The following GPC5 variants were observed in gnomAD, a reference collection of about 807,000 sequenced individuals.
The protein encoded by GPC5 is glypican 5.
A neutral mutation model predicts 53.9 loss-of-function variants in GPC5; 47 were observed. The observed-to-expected ratio is 0.87, with a 90% CI of 0.69 to 1.11. The LOEUF (loss-of-function observed/expected upper bound fraction) is 1.11. Among genes scored for constraint, GPC5 ranks in the 50% most tolerant of loss-of-function variants. GPC5 has a pLI of 0.00. For missense variants in GPC5, 748 were observed against 713.1 expected (o/e 1.05, Z -0.56); for synonymous variants, 286 against 263.3 (o/e 1.09, Z -0.84).
chr13:91,493,205 T>G lies in GPC5; in HGVS notation c.325+44283T>G, dbSNP rs181116451. On this transcript the variant is annotated intron_variant, in intron 2 of 7. Transcript: ENST00000377067. ...AAGAAGAAAACATCCATTCTTTAAC[T>G]TTTAAATTTTGTGGGTACATACTAG... is the stretch of plus-strand genomic sequence containing the variant. Among the ~76,000 whole-genome samples the G allele has an allele frequency of 6.0e-3, 915 of 152,318 alleles. 12 individuals are homozygous for G. Among genetic ancestry groups the G allele is most frequent in the Non-Finnish European group, 9.5e-3 (643 of 68,024 alleles).
At chr13:92,170,993 T>A (rs1390705582) in intron 7 of GPC5, among the ~76,000 whole-genome samples, 1 of 152,130 alleles carries the variant, frequency 6.6e-6, no homozygotes, top group Non-Finnish European at 1.5e-5. Context: ...CAGTCAGTTA[T>A]CCTTCATGTA....
chr13:92,438,148 T>A (rs1296591064), intron 7 of GPC5, among the ~76,000 whole-genome samples: 2 of 151,788 alleles, frequency 1.3e-5, no homozygotes, highest in Non-Finnish European at 2.9e-5. Context: ...GTGCTGGGAA[T>A]AAAATTATGA....
At chr13:91,796,275 G>A (rs1397907309) in intron 5 of GPC5, among the ~76,000 whole-genome samples, 1 of 152,212 alleles carries the variant, frequency 6.6e-6, no homozygotes, top group Admixed American at 6.5e-5. Flanking sequence ...CTGATTGGGA[G>A]CAGCAGTGGG....
intron 4 of GPC5, among the ~76,000 whole-genome samples, chr13:91,730,570 A>G (rs1263618048): frequency 2.0e-5 from 3 of 152,144 alleles, no homozygotes; most frequent in East Asian, 3.9e-4. Flanking sequence ...CCAGAGCTCA[A>G]TTGCAAAGCA....
intron 7 of GPC5, among the ~76,000 whole-genome samples, chr13:92,239,265 G>T (rs2042592216): frequency 6.6e-6 from 1 of 151,468 alleles, no homozygotes; most frequent in Non-Finnish European, 1.5e-5. Flanking sequence ...TTTTTAATAG[G>T]ATTTTTACTG....
intron 6 of GPC5, among the ~76,000 whole-genome samples, chr13:91,913,626 C>T (rs1462325079): frequency 6.6e-6 from 1 of 152,090 alleles, no homozygotes; most frequent in Non-Finnish European, 1.5e-5. Flanking sequence ...TTCAGTGTTC[C>T]TTCATTCCCT....
At chr13:92,472,925 G>C (rs937665916) in intron 7 of GPC5, among the ~76,000 whole-genome samples, 2 of 152,012 alleles carry the variant, frequency 1.3e-5, no homozygotes, top group African/African-American at 4.8e-5. Flanking sequence ...CAGTTTAATT[G>C]AATAGTACCT....
chr13:92,344,098 G>C (rs1277278996), intron 7 of GPC5, among the ~76,000 whole-genome samples: 2 of 147,890 alleles, frequency 1.4e-5, no homozygotes, highest in Admixed American at 1.4e-4. Flanking sequence ...AGAAATACCT[G>C]AGACTGGGTA....
At chr13:91,474,230 AGT>A (rs1566431012) in intron 2 of GPC5, among the ~76,000 whole-genome samples, 7 of 152,162 alleles carry the variant, frequency 4.6e-5, no homozygotes, top group Non-Finnish European at 1.0e-4. Flanking sequence ...AAGAGTGCTT[AGT>A]CATTATGTAC....
chr13:92,842,120 T>C (rs1425596675), intron 7 of GPC5, among the ~76,000 whole-genome samples: 1 of 152,166 alleles, frequency 6.6e-6, no homozygotes. Flanking sequence ...AACACTGAAA[T>C]TACTTTCACA....
intron 7 of GPC5, among the ~76,000 whole-genome samples, chr13:92,828,349 A>T (rs1169225888): frequency 6.6e-6 from 1 of 152,124 alleles, no homozygotes; most frequent in South Asian, 2.1e-4. Context: ...GTGTTAAAAC[A>T]TTTTTGTTTT....
intron 7 of GPC5, among the ~76,000 whole-genome samples, chr13:92,505,967 G>T (rs1880352608): frequency 6.6e-6 from 1 of 152,118 alleles, no homozygotes; most frequent in Non-Finnish European, 1.5e-5. Flanking sequence ...GTGAGAAGTA[G>T]TGGGACTGTA....
intron 2 of GPC5, among the ~76,000 whole-genome samples, chr13:91,522,029 G>A (rs1270998247): frequency 6.6e-6 from 1 of 152,244 alleles, no homozygotes; most frequent in Non-Finnish European, 1.5e-5. Flanking sequence ...GCTGGGTATG[G>A]AGGAAGGGGT....
chr13:92,481,825 T>C (rs1879367237), intron 7 of GPC5, among the ~76,000 whole-genome samples: 2 of 152,018 alleles, frequency 1.3e-5, no homozygotes, highest in South Asian at 2.1e-4. Flanking sequence ...GTTGGGAGGC[T>C]AAGTATAAAA....
intron 5 of GPC5, among the ~76,000 whole-genome samples, chr13:91,834,424 G>C (rs537168731): frequency 3.3e-5 from 5 of 152,140 alleles, no homozygotes; most frequent in African/African-American, 1.2e-4. Context: ...CCAAAAAAGA[G>C]CCCACACAGC....
intron 7 of GPC5, among the ~76,000 whole-genome samples, chr13:92,452,591 C>A (rs369738735): frequency 1.3e-3 from 192 of 152,028 alleles, no homozygotes; most frequent in African/African-American, 4.4e-3. Flanking sequence ...AAAAAACAAC[C>A]AAGTCCCACT....
At chr13:92,534,208 G>T (rs1042972472) in intron 7 of GPC5, among the ~76,000 whole-genome samples, 5 of 152,114 alleles carry the variant, frequency 3.3e-5, no homozygotes, top group Non-Finnish European at 5.9e-5. Flanking sequence ...GGTCGCTTGA[G>T]CCTGGGAGGA....
chr13:92,255,039 A>G, intron 7 of GPC5, among the ~76,000 whole-genome samples: 1 of 152,330 alleles, frequency 6.6e-6, no homozygotes, highest in South Asian at 2.1e-4. Context: ...TTTTTATATA[A>G]CATATTAGCT....
At chr13:92,754,125 G>T (rs1874732032) in intron 7 of GPC5, among the ~76,000 whole-genome samples, 1 of 152,190 alleles carries the variant, frequency 6.6e-6, no homozygotes, top group African/African-American at 2.4e-5. Flanking sequence ...ACTAACAGCG[G>T]ATCTCTCGGC....
Sources: allele counts gnomAD v4.1 joint callset (sites outside exome capture counted in the v4.1 genomes callset), GRCh38; gene constraint gnomAD v4.1.1; transcripts MANE v1.5; gene names NCBI Gene and HGNC (gene_info 2026-07-23, HGNC 2026-07-21).